Variants in MGAM observed in about 807,000 individuals in gnomAD.
The protein encoded by MGAM is maltase-glucoamylase, also known as alpha-1,4-glucosidase.
Under a neutral mutation model 358.8 loss-of-function variants are expected in MGAM, and 253 were observed. The ratio of observed to expected loss-of-function variants is 0.71; its 90% CI spans 0.64 to 0.78. The LOEUF is 0.78. Ranked by LOEUF, MGAM falls within the 30% of genes least tolerant of loss-of-function variation. The pLI is 0.00. For missense variants in MGAM, 3,080 were observed against 3,432.6 expected (o/e 0.90, Z 2.57); for synonymous variants, 1,105 against 1,227.1 (o/e 0.90, Z 2.08).
Position 142,020,945 on chromosome 7 carries a change from ATGAAAACCTTT to A in MGAM, c.449-27_449-17del. On this transcript the variant is annotated intron_variant, in intron 4 of 70. Coordinates refer to ENST00000475668, the MANE Select transcript of MGAM (RefSeq NM_001365693.1). ...TATTTGAGAATTTGCAGAGTCAACTATGAAAACCTTTTTTTTCTCCTATGTTAGGATTCACA... is the reference window on the plus strand; with the variant it reads ...TATTTGAGAATTTGCAGAGTCAACTATTTTTCTCCTATGTTAGGATTCACA... The A allele has an allele frequency of 6.6e-7, 1 of 1,508,746 alleles. No homozygotes were observed. 93.5% of individuals were successfully genotyped at this position (1,508,746 alleles called of 1,614,324 possible).
chr7:141,989,159 A>G (rs1803831033), intron 2 of MGAM, among the ~76,000 whole-genome samples: 1 of 151,126 alleles, frequency 6.6e-6, no homozygotes, highest in Non-Finnish European at 1.5e-5. Context: ...AGAGAAAGAG[A>G]GTCTTGTAGT....
At chr7:141,989,208 G>C (rs1803833687) in intron 2 of MGAM, among the ~76,000 whole-genome samples, 1 of 152,088 alleles carries the variant, frequency 6.6e-6, no homozygotes, top group Non-Finnish European at 1.5e-5. Context: ...TCAGTTCAGT[G>C]TGGGATGTGT....
At chr7:141,998,482 C>G (rs1804455096) in intron 1 of MGAM, among the ~76,000 whole-genome samples, 1 of 152,144 alleles carries the variant, frequency 6.6e-6, no homozygotes, top group African/African-American at 2.4e-5. Flanking sequence ...GTTCAACTTC[C>G]ACTTATGAGT....
At chr7:142,050,120 A>T in intron 22 of MGAM, 115 bp from the exon 23 acceptor site, 1 of 928,664 alleles carries the variant, frequency 1.1e-6, no homozygotes, top group Non-Finnish European at 1.7e-6. Context: ...ATCCATAAGG[A>T]AAAGGAAAAC....
intron 7 of MGAM, 70 bp downstream of exon 7, chr7:142,022,509 A>G: frequency 6.7e-7 from 1 of 1,490,556 alleles, no homozygotes; most frequent in Admixed American, 1.9e-5. Flanking sequence ...CTCTAGTATT[A>G]CAGTGTAGTG....
In MGAM at chr7:142,027,740, G is replaced by C; in HGVS notation, c.1221+5G>C. The C allele has an allele frequency of 6.3e-7, 1 of 1,591,902 alleles. No homozygotes were observed. The highest frequency in any genetic ancestry group is 8.6e-7 in the Non-Finnish European group (1 of 1,169,024). ...CGCGCAGCACAGCTCCCTTATGTAA[G>C]CAAGGTTTTCAACAGTTCTCCAAAA... On this transcript the variant is annotated splice_donor_5th_base_variant and intron_variant, in intron 10 of 70. Transcript: ENST00000475668.
chr7:142,053,128 G>A, intron 26 of MGAM, 144 bp downstream of exon 26: 1 of 993,620 alleles, frequency 1.0e-6, no homozygotes, highest in Non-Finnish European at 1.5e-6. Context: ...AGAAATCATT[G>A]AGGGAACAAT....
chr7:142,076,759 T>G lies in MGAM; in HGVS notation c.5426T>G (p.Val1809Gly), dbSNP rs1180984426. ...KILGMEEPSN[V>G]TVKHNGVPSQ... The stretch of plus-strand genomic sequence containing the variant: ...CTTGGGATGGAGGAACCTAGCAATG[T>G]TACGGTGAAACACAATGGTGTCCCA... Residue 1809 changes from valine to glycine, a missense_variant, in exon 47 of 71, where the codon GTT becomes GGT. Val to Gly is a moderately radical substitution (Grantham distance 109). Coordinates refer to ENST00000475668, the MANE Select transcript of MGAM (RefSeq NM_001365693.1). 1 of 1,555,182 alleles carries G rather than the reference T, an allele frequency of 6.4e-7. No individual in the cohort carries two copies.
At position 142,036,251 on chromosome 7, in the gene MGAM, C is replaced by T. The variant is rs782316099; in HGVS notation, c.2042C>T (p.Pro681Leu). The T allele has an allele frequency of 5.0e-6, 8 of 1,610,254 alleles. No homozygotes were observed. The highest frequency in any genetic ancestry group is 2.2e-5 in the South Asian group (2 of 90,114). The change falls in exon 17 of 71, where the codon CCG (proline) becomes CTG (leucine). Residue 681 changes from proline to leucine, a missense_variant. By Grantham distance (98) the Pro-to-Leu change is moderately conservative (BLOSUM62 -3). Around this residue, in one of 5 missense-constraint regions of MGAM, gnomAD observed 1,816 missense variants for 1,840.5 expected, o/e 0.99. Coordinates refer to ENST00000475668, the MANE Select transcript of MGAM (RefSeq NM_001365693.1). Reference sequence around the variant, plus strand: ...TGGATGCAGTTGGGTGCATTTTATCCGTTTTCTAGAAATCACAATGGCCAA... The same window carrying T: ...TGGATGCAGTTGGGTGCATTTTATCTGTTTTCTAGAAATCACAATGGCCAA... ...RRWMQLGAFYPFSRNHNGQGY... is the reference protein window; with the variant it reads ...RRWMQLGAFYLFSRNHNGQGY...
At chr7:142,044,978 A>AAT (rs1361153462) in intron 21 of MGAM, among the ~76,000 whole-genome samples, 2 of 106,794 alleles carry the variant, frequency 1.9e-5, no homozygotes, top group African/African-American at 7.0e-5. Context: ...TATGATATAT[A>AAT]ATGTATATTA....
intron 3 of MGAM, 115 bp downstream of exon 3, chr7:142,008,820 G>A: frequency 3.5e-6 from 4 of 1,157,516 alleles, no homozygotes; most frequent in Non-Finnish European, 4.9e-6. Flanking sequence ...AGGTGTTTAT[G>A]TTGCAGCCAT....
At chr7:142,018,939 GT>G (rs374796072) in intron 3 of MGAM, among the ~76,000 whole-genome samples, 9,959 of 146,194 alleles carry the variant, frequency 0.068, 804 homozygotes, top group African/African-American at 0.2. Context: ...ATATTTATGA[GT>G]TTTTTTTTTT....
chr7:142,008,848 T>A (rs1563107532), intron 3 of MGAM, 143 bp downstream of exon 3: 1 of 862,386 alleles, frequency 1.2e-6, no homozygotes, highest in Non-Finnish European at 1.8e-6. Context: ...TCAGGCAAAT[T>A]AACCTGTGTC....
At chr7:142,041,741 A>T (rs914644137) in intron 21 of MGAM, among the ~76,000 whole-genome samples, 2 of 148,696 alleles carry the variant, frequency 1.3e-5, no homozygotes, top group Non-Finnish European at 3.0e-5. Flanking sequence ...TATCCTTTCC[A>T]ACATTCTTTG....
Position 142,105,990 on chromosome 7 carries a change from C to T in MGAM, c.*99C>T, listed in dbSNP as rs2129069813. 2.2e-6 allele frequency: 2 copies of T among 912,880 alleles called. No homozygotes were observed. Among genetic ancestry groups the T allele is most frequent in the Non-Finnish European group, 3.5e-6 (2 of 568,972 alleles). 56.5% of individuals were successfully genotyped at this position (912,880 alleles called of 1,614,324 possible). A position where few individuals can be genotyped will look rare whatever the true frequency, so the allele number is the denominator to read the frequency against. Reference sequence around the variant, plus strand: ...TGTGTGTTGCTAATTTGTTCATACCCACTATTGGTGAAATATTTCTGTTAA... The same window carrying T: ...TGTGTGTTGCTAATTTGTTCATACCTACTATTGGTGAAATATTTCTGTTAA... On this transcript the variant is annotated 3_prime_UTR_variant, in exon 71 of 71. Coordinates refer to ENST00000475668, the MANE Select transcript of MGAM (RefSeq NM_001365693.1).
At chr7:142,099,425 A>G (rs1816248888) in intron 66 of MGAM, among the ~76,000 whole-genome samples, 188 bp from the exon 67 acceptor site, 1 of 152,206 alleles carries the variant, frequency 6.6e-6, no homozygotes, top group African/African-American at 2.4e-5. Context: ...CCCTAACAAG[A>G]TATTATAGCA....
At chr7:142,049,636 AG>A (rs1287073514) in intron 22 of MGAM, among the ~76,000 whole-genome samples, 3 of 152,226 alleles carry the variant, frequency 2.0e-5, no homozygotes, top group Non-Finnish European at 4.4e-5. Flanking sequence ...AAGTGGGTGA[AG>A]GACCTGAACA....
At chr7:141,993,171 T>C (rs1254614859), upstream of MGAM, among the ~76,000 whole-genome samples, 14 of 152,224 alleles carry the variant, frequency 9.2e-5, no homozygotes, top group Non-Finnish European at 1.6e-4. Context: ...ATACATGGTT[T>C]ATAAATTTAG....
intron 55 of MGAM, 37 bp downstream of exon 55, chr7:142,085,998 A>C: frequency 6.5e-7 from 1 of 1,546,420 alleles, no homozygotes; most frequent in Admixed American, 1.7e-5. Context: ...TCTGTTTGGG[A>C]GCAGGTATGG....
Sources: allele counts gnomAD v4.1 joint callset (sites outside exome capture counted in the v4.1 genomes callset), GRCh38; gene constraint gnomAD v4.1.1; regional missense constraint gnomAD v4.1.1; transcripts MANE v1.5; gene names NCBI Gene and HGNC (gene_info 2026-07-23, HGNC 2026-07-21).